The following DTNB variants were observed in gnomAD, a reference collection of about 807,000 sequenced individuals.
DTNB encodes DTN-B.
Under a neutral mutation model 90.7 loss-of-function variants are expected in DTNB, and 63 were observed. That is an observed-to-expected ratio of 0.69 (90% confidence interval 0.57 to 0.86). The LOEUF is 0.86. Among genes scored for constraint, DTNB ranks in the 40% least tolerant of loss-of-function variants. The pLI is 0.00. For missense variants in DTNB, 744 were observed against 807.1 expected, an observed-to-expected ratio of 0.92 and a Z score of 0.95; for synonymous variants, 277 against 286.7, an observed-to-expected ratio of 0.97 and a Z score of 0.34.
intron 16 of DTNB, among the ~76,000 whole-genome samples, chr2:25,400,682 G>A (rs931146113): frequency 3.3e-5 from 5 of 152,224 alleles, no homozygotes; most frequent in Non-Finnish European, 4.4e-5. Context: ...GTGCTACTCA[G>A]TGTTTTAAGG....
chr2:25,432,799 A>G, intron 14 of DTNB, 87 bp downstream of exon 14: 2 of 1,354,364 alleles, frequency 1.5e-6, no homozygotes, highest in Non-Finnish European at 2.0e-6. Context: ...ACTGAACAAC[A>G]GATTCTACCC....
At chr2:25,575,078 T>C (rs182923904) in intron 8 of DTNB, among the ~76,000 whole-genome samples, 12 of 152,212 alleles carry the variant, frequency 7.9e-5, no homozygotes, top group African/African-American at 2.9e-4. Flanking sequence ...GTTAGCCAAA[T>C]GAGGAAATTC....
intron 8 of DTNB, among the ~76,000 whole-genome samples, chr2:25,552,173 T>C (rs901445064): frequency 1.3e-5 from 2 of 152,204 alleles, no homozygotes; most frequent in Non-Finnish European, 2.9e-5. Context: ...GTTCCTCTCA[T>C]TTGGGGTGAT....
At chr2:25,557,286 T>G (rs1029786673) in intron 8 of DTNB, among the ~76,000 whole-genome samples, 2 of 152,198 alleles carry the variant, frequency 1.3e-5, no homozygotes, top group African/African-American at 4.8e-5. Flanking sequence ...TGCTTCTGTG[T>G]ATGGTGGCAC....
intron 9 of DTNB, among the ~76,000 whole-genome samples, 197 bp downstream of exon 9, chr2:25,531,276 C>T (rs1200808885): frequency 1.3e-5 from 2 of 152,228 alleles, no homozygotes; most frequent in Non-Finnish European, 2.9e-5. Context: ...CTTCAGCAAT[C>T]AGGAGCTAGA....
chr2:25,495,947 G>A (rs895265787), intron 9 of DTNB, among the ~76,000 whole-genome samples: 1 of 152,044 alleles, frequency 6.6e-6, no homozygotes, highest in Non-Finnish European at 1.5e-5. Flanking sequence ...ATTTATATTC[G>A]TAGCAATTTA....
chr2:25,469,460 T>C (rs2062386345), intron 10 of DTNB, among the ~76,000 whole-genome samples: 1 of 152,112 alleles, frequency 6.6e-6, no homozygotes, highest in South Asian at 2.1e-4. Context: ...CACTTACTTA[T>C]TTGAGATGGA....
intron 6 of DTNB, among the ~76,000 whole-genome samples, chr2:25,590,751 T>G (rs2063404947): frequency 6.6e-6 from 1 of 152,140 alleles, no homozygotes; most frequent in African/African-American, 2.4e-5. Context: ...ATGGGTAGGC[T>G]TGGAAAAAGC....
At chr2:25,488,418 G>A (rs2066649960) in intron 9 of DTNB, among the ~76,000 whole-genome samples, 4 of 152,178 alleles carry the variant, frequency 2.6e-5, no homozygotes. Flanking sequence ...GAAAGGAGGA[G>A]GGATGGGTAG....
chr2:25,381,707 T>C (rs145943034), intron 19 of DTNB, among the ~76,000 whole-genome samples: 45 of 152,356 alleles, frequency 3.0e-4, no homozygotes, highest in Admixed American at 9.8e-4. Context: ...GTGCCACATA[T>C]GTCATTCTCA....
At chr2:25,589,840 C>T (rs1449584757) in intron 6 of DTNB, among the ~76,000 whole-genome samples, 2 of 152,210 alleles carry the variant, frequency 1.3e-5, no homozygotes, top group Non-Finnish European at 1.5e-5. Context: ...TGGACTCGTT[C>T]CACCCACTCG....
At chr2:25,522,060 T>A (rs2076234038) in intron 9 of DTNB, among the ~76,000 whole-genome samples, 1 of 152,156 alleles carries the variant, frequency 6.6e-6, no homozygotes, top group Admixed American at 6.5e-5. Context: ...ATTGCTTGAA[T>A]TCGGATCACA....
intron 8 of DTNB, among the ~76,000 whole-genome samples, chr2:25,550,433 C>G (rs575720405): frequency 6.6e-6 from 1 of 152,090 alleles, no homozygotes; most frequent in East Asian, 1.9e-4. Flanking sequence ...AAAAAAAACA[C>G]GGTGCTATTG....
At chr2:25,426,537 G>A (rs2051678257) in intron 15 of DTNB, 1 of 152,192 alleles carries the variant, frequency 6.6e-6, no homozygotes. Context: ...TGGACTCTGG[G>A]ACTTAAACCA....
intron 6 of DTNB, among the ~76,000 whole-genome samples, chr2:25,584,585 C>T (rs1389225751): frequency 6.6e-6 from 1 of 150,698 alleles, no homozygotes; most frequent in Non-Finnish European, 1.5e-5. Context: ...GAGACAGAGT[C>T]TCACTCTTTT....
intron 6 of DTNB, among the ~76,000 whole-genome samples, chr2:25,592,785 C>T (rs767198512): frequency 1.3e-5 from 2 of 152,084 alleles, no homozygotes; most frequent in Non-Finnish European, 2.9e-5. Context: ...ATGAGGAAAA[C>T]AGAGTTGGAA....
At chr2:25,537,730 A>T (rs1182530524) in intron 8 of DTNB, among the ~76,000 whole-genome samples, 2 of 152,230 alleles carry the variant, frequency 1.3e-5, no homozygotes, top group African/African-American at 4.8e-5. Context: ...ATGCTGTGTC[A>T]TGACAGGGGC....
chr2:25,615,940 T>A (rs770903918), intron 4 of DTNB, among the ~76,000 whole-genome samples: 1 of 152,234 alleles, frequency 6.6e-6, no homozygotes, highest in African/African-American at 2.4e-5. Context: ...TATTTTCATA[T>A]GCATCCAGAG....
chr2:25,413,269 C>A (rs1451962150), intron 16 of DTNB, among the ~76,000 whole-genome samples: 1 of 142,388 alleles, frequency 7.0e-6, no homozygotes, highest in Admixed American at 6.9e-5. Flanking sequence ...AAATCAGACA[C>A]CTTTTTTTTT....
Sources: gnomAD v4.1 joint callset for allele counts (sites outside exome capture counted in the v4.1 genomes callset) on GRCh38, gnomAD v4.1.1 for gene constraint, MANE v1.5 for transcripts, NCBI Gene and HGNC (gene_info 2026-07-23, HGNC 2026-07-21) for gene names.